Variants in CSNK1A1 observed in about 807,000 individuals in gnomAD.
CSNK1A1 encodes casein kinase 1 alpha 1.
A neutral mutation model predicts 46.1 loss-of-function variants in CSNK1A1; 7 were observed. The ratio of observed to expected loss-of-function variants is 0.15; its 90% CI spans 0.09 to 0.29. The LOEUF (loss-of-function observed/expected upper bound fraction) is 0.29, where lower values mean the gene tolerates loss of function less well. CSNK1A1 is among the 10% of genes least tolerant of loss of function. CSNK1A1 has a pLI of 1.00. For missense variants in CSNK1A1, 96 were observed against 417.1 expected (o/e 0.23, Z 6.71); for synonymous variants, 137 against 141.5 (o/e 0.97, Z 0.23).
intron 4 of CSNK1A1, among the ~76,000 whole-genome samples, chr5:149,514,360 C>T (rs754276003): frequency 1.3e-5 from 2 of 152,130 alleles, no homozygotes; most frequent in South Asian, 4.2e-4. Flanking sequence ...AAAAGAAATC[C>T]AAAACATATT....
rs144923388 is a variant in CSNK1A1 at position 149,536,430 on chromosome 5, C to T, written c.231-11259G>A. Among the ~76,000 whole-genome samples, 548 of 152,140 alleles carry T rather than the reference C, an allele frequency of 3.6e-3. 8 individuals carry two copies. In the South Asian group the frequency reaches 0.048, roughly 13 times the overall value. Reference sequence around the variant, plus strand: ...CTTTAAATGGATAGAGCTAAGTATTCTAGATAAGAAACTGTAGACAAAAAC... The same window carrying T: ...CTTTAAATGGATAGAGCTAAGTATTTTAGATAAGAAACTGTAGACAAAAAC... On this transcript the variant is annotated intron_variant, in intron 2 of 9. Coordinates refer to ENST00000377843, the MANE Select transcript of CSNK1A1 (RefSeq NM_001892.6).
At chr5:149,538,598 G>C (rs891582853) in intron 2 of CSNK1A1, among the ~76,000 whole-genome samples, 1 of 152,112 alleles carries the variant, frequency 6.6e-6, no homozygotes, top group Admixed American at 6.5e-5. Flanking sequence ...TCAATCAAGG[G>C]CAAACAGCCA....
At chr5:149,497,150 A>C in intron 9 of CSNK1A1, 1 of 1,155,796 alleles carries the variant, frequency 8.7e-7, no homozygotes, top group Non-Finnish European at 1.1e-6. Context: ...ATGTTTCTGC[A>C]TTTTTACATA....
In CSNK1A1 at chr5:149,495,494, ATAACT is replaced by A. The variant is rs754075160; in HGVS notation, c.*1354_*1358del. On this transcript the variant is annotated 3_prime_UTR_variant, in exon 10 of 10. Transcript: ENST00000377843. ...ATTGAGAGGAAGCGCACGCACACAG[ATAACT>A]TAAAGAAGCAGGAGGGGCTGGGGAG... 5 of 152,240 alleles carry A rather than the reference ATAACT, an allele frequency of 3.3e-5. No homozygotes were observed. Among genetic ancestry groups the A allele is most frequent in the African/African-American group, 4.8e-5 (2 of 41,442 alleles). The allele number at this position is 152,240 out of a possible 1,614,324, so 9.4% of individuals were successfully genotyped here. A position where few individuals can be genotyped will look rare whatever the true frequency, so the allele number is the denominator to read the frequency against.
chr5:149,507,483 CAG>C (rs895289945), intron 7 of CSNK1A1, among the ~76,000 whole-genome samples: 1 of 150,516 alleles, frequency 6.6e-6, no homozygotes, highest in African/African-American at 2.4e-5. Context: ...TTTTTAAAGA[CAG>C]GGTCTCAATC....
chr5:149,515,217 A>G (rs1354337269), intron 4 of CSNK1A1, among the ~76,000 whole-genome samples: 1 of 152,192 alleles, frequency 6.6e-6, no homozygotes, highest in Non-Finnish European at 1.5e-5. Context: ...TCCAGTTCAC[A>G]TTTTCTAGGA....
intron 2 of CSNK1A1, among the ~76,000 whole-genome samples, chr5:149,546,198 G>A (rs576942001): frequency 1.8e-4 from 27 of 151,720 alleles, no homozygotes; most frequent in African/African-American, 6.5e-4. Context: ...CATGGCGCCC[G>A]GCTTATCCTT....
In CSNK1A1 at chr5:149,493,278, C is replaced by A. The variant is rs1462391450; in HGVS notation, c.*3575G>T. ...TAGAGACAGGGTTTCACTATGTTGG[C>A]CAGGCTGGTCTTGAACTCCTGCCCA... On this transcript the variant is annotated 3_prime_UTR_variant, in exon 10 of 10. Coordinates refer to ENST00000377843, the MANE Select transcript of CSNK1A1 (RefSeq NM_001892.6). 1 of 151,732 alleles carries A rather than the reference C, an allele frequency of 6.6e-6. No homozygotes were observed. Among genetic ancestry groups the A allele is most frequent in the Non-Finnish European group, 1.5e-5 (1 of 68,014 alleles). 9.4% of individuals were successfully genotyped at this position (151,732 alleles called of 1,614,324 possible). A position where few individuals can be genotyped will look rare whatever the true frequency, so the allele number is the denominator to read the frequency against.
At chr5:149,501,168 G>C in intron 9 of CSNK1A1, 1 of 985,384 alleles carries the variant, frequency 1.0e-6, no homozygotes, top group Non-Finnish European at 1.2e-6. Flanking sequence ...AGCAGTCTTG[G>C]AGACATGGAC....
chr5:149,549,570 A>G, intron 2 of CSNK1A1: 1 of 692,996 alleles, frequency 1.4e-6, no homozygotes, highest in Non-Finnish European at 2.7e-6. Context: ...AAAGGGCAGG[A>G]ATATGGGGTT....
intron 2 of CSNK1A1, among the ~76,000 whole-genome samples, chr5:149,548,098 T>C (rs1762535711): frequency 1.3e-5 from 2 of 152,090 alleles, no homozygotes; most frequent in South Asian, 4.1e-4. Flanking sequence ...GTTGAACTCC[T>C]GACTTAAAGT....
chr5:149,504,452 A>T (rs1760964865), intron 9 of CSNK1A1: 1 of 985,352 alleles, frequency 1.0e-6, no homozygotes, highest in African/African-American at 1.7e-5. Context: ...AAATTTAAAA[A>T]TTAGAAACCA....
intron 2 of CSNK1A1, among the ~76,000 whole-genome samples, chr5:149,544,709 A>G (rs974335185): frequency 7.1e-6 from 1 of 139,870 alleles, no homozygotes; most frequent in East Asian, 2.2e-4. Flanking sequence ...TCCTCAGCCC[A>G]AAGTGAGGAT....
In CSNK1A1 at chr5:149,494,322, GATAACC is replaced by G. The variant is rs1321279257; in HGVS notation, c.*2525_*2530del. The G allele has an allele frequency of 6.6e-6, 1 of 152,136 alleles. No individual in the cohort carries two copies. Among genetic ancestry groups the G allele is most frequent in the Non-Finnish European group, 1.5e-5 (1 of 68,020 alleles). The allele number at this position is 152,136 out of a possible 1,614,324, so 9.4% of individuals were successfully genotyped here. A position where few individuals can be genotyped will look rare whatever the true frequency, so the allele number is the denominator to read the frequency against. ...GGATAAGCACAACCATATGGGAGGA[GATAACC>G]AGTCTCTCCCTTCATATATATTCTT... On this transcript the variant is annotated 3_prime_UTR_variant, in exon 10 of 10. Transcript: ENST00000377843.
At chr5:149,511,617 T>TA (rs753460878) in intron 6 of CSNK1A1, among the ~76,000 whole-genome samples, 177 bp downstream of exon 6, 5 of 152,204 alleles carry the variant, frequency 3.3e-5, no homozygotes, top group Non-Finnish European at 7.3e-5. Flanking sequence ...ACTAAGTTCT[T>TA]ACTAAAATGA....
chr5:149,498,197 C>T lies in CSNK1A1; in HGVS notation c.1007-1337G>A, dbSNP rs987953231. ...GCTTTGTGGGAGAAACAAAATAATT[C>T]TAATATTTATTTCTTATGCATATAT... On this transcript the variant is annotated intron_variant, in intron 9 of 9. Coordinates refer to ENST00000377843, the MANE Select transcript of CSNK1A1 (RefSeq NM_001892.6). 4.1e-6 allele frequency: 4 copies of T among 984,760 alleles called. No homozygotes were observed. In the African/African-American group the frequency reaches 7.0e-5, roughly 17 times the overall value. 61.0% of individuals were successfully genotyped at this position (984,760 alleles called of 1,614,324 possible).
rs1762458203 is a variant in CSNK1A1, at chr5:149,545,718, GT to G, written c.230+4356del. On this transcript the variant is annotated intron_variant, in intron 2 of 9. Coordinates refer to ENST00000377843, the MANE Select transcript of CSNK1A1 (RefSeq NM_001892.6). Reference sequence around the variant, plus strand: ...TCTTGTGCTTCTTGGCAAAGTGCATGTTCCTCAGGAACCTGGAGCCCACCAT... The same window carrying G: ...TCTTGTGCTTCTTGGCAAAGTGCATGTCCTCAGGAACCTGGAGCCCACCAT... 1.3e-5 allele frequency: 9 copies of G among 672,578 alleles called. No individual in the cohort carries two copies. The East Asian group carries it at 2.8e-4, about 21-fold the overall frequency. 41.7% of individuals were successfully genotyped at this position (672,578 alleles called of 1,614,324 possible). A position where few individuals can be genotyped will look rare whatever the true frequency, so the allele number is the denominator to read the frequency against.
chr5:149,506,185 C>G (rs1761018118), intron 8 of CSNK1A1, among the ~76,000 whole-genome samples: 1 of 152,040 alleles, frequency 6.6e-6, no homozygotes, highest in Non-Finnish European at 1.5e-5. Context: ...CATCGGCCTC[C>G]CAAAGTGCTA....
chr5:149,538,360 C>G (rs1207398651), intron 2 of CSNK1A1, among the ~76,000 whole-genome samples: 2 of 152,040 alleles, frequency 1.3e-5, no homozygotes, highest in Non-Finnish European at 2.9e-5. Context: ...AGGGTAGGTA[C>G]CCTCAGGTGA....
Sources: gnomAD v4.1 joint callset for allele counts (sites outside exome capture counted in the v4.1 genomes callset) on GRCh38, gnomAD v4.1.1 for gene constraint, MANE v1.5 for transcripts, NCBI Gene and HGNC (gene_info 2026-07-23, HGNC 2026-07-21) for gene names.